The following EYA1 variants were observed in gnomAD, a reference collection of about 807,000 sequenced individuals.
The protein encoded by EYA1 is EYA transcriptional coactivator and phosphatase 1.
In EYA1, 16 loss-of-function variants were observed where a neutral mutation model predicts 82.0. That is an observed-to-expected ratio of 0.20 (90% CI 0.13 to 0.30). The LOEUF (loss-of-function observed/expected upper bound fraction) is 0.30, where lower values mean the gene tolerates loss of function less well. Ranked by LOEUF, EYA1 falls within the 10% of genes least tolerant of loss-of-function variation. The pLI is 1.00. For missense variants in EYA1, 633 were observed against 730.7 expected, an observed-to-expected ratio of 0.87 and a Z score of 1.54; for synonymous variants, 261 against 264.4, an observed-to-expected ratio of 0.99 and a Z score of 0.12.
In EYA1 at chr8:71,292,117, T is replaced by A. The variant is rs549261663; in HGVS notation, c.826+6930A>T. 2.1e-4 allele frequency among the ~76,000 whole-genome samples: 32 copies of A among 152,256 alleles called. No individual in the cohort carries two copies. In the South Asian group the frequency reaches 6.2e-3, roughly 30 times the overall value. ...TGATAAAAGTCAATTACAATTTTCT[T>A]CGTAATAATACTCAAAAAGTATTTC... On this transcript the variant is annotated intron_variant, in intron 9 of 17. Transcript: ENST00000340726.
chr8:71,341,178 C>T (rs759742092), intron 3 of EYA1, among the ~76,000 whole-genome samples: 11 of 152,126 alleles, frequency 7.2e-5, no homozygotes, highest in Non-Finnish European at 1.3e-4. Context: ...AAATAAATTA[C>T]CATGAATTTG....
intron 4 of EYA1, 62 bp from the exon 5 acceptor site, chr8:71,322,330 G>A (rs1822667504): frequency 1.5e-6 from 2 of 1,373,250 alleles, no homozygotes; most frequent in Non-Finnish European, 2.1e-6. Context: ...AAAATATATA[G>A]AAAGCACTGA....
chr8:71,543,571 T>C (rs931770841), intron 1 of EYA1, among the ~76,000 whole-genome samples: 8 of 152,236 alleles, frequency 5.3e-5, no homozygotes, highest in Non-Finnish European at 1.0e-4. Flanking sequence ...ATCTAGCCTT[T>C]GCCCCTCTAA....
chr8:71,231,081 C>G (rs1014511262), intron 12 of EYA1, among the ~76,000 whole-genome samples: 1 of 152,190 alleles, frequency 6.6e-6, no homozygotes, highest in African/African-American at 2.4e-5. Context: ...TACCTTATTG[C>G]TCAAGCCAGA....
At chr8:71,271,236 T>C (rs1816494420) in intron 10 of EYA1, among the ~76,000 whole-genome samples, 1 of 152,266 alleles carries the variant, frequency 6.6e-6, no homozygotes, top group African/African-American at 2.4e-5. Flanking sequence ...AAGCACATCA[T>C]GGAGAATGGG....
At chr8:71,211,069 A>C in intron 17 of EYA1, 87 bp downstream of exon 17, 4 of 853,620 alleles carry the variant, frequency 4.7e-6, no homozygotes, top group Non-Finnish European at 8.2e-6. Flanking sequence ...TTTCACATAA[A>C]TGGAACCTGT....
chr8:71,281,417 T>C (rs1013944913), intron 9 of EYA1, among the ~76,000 whole-genome samples: 11 of 152,248 alleles, frequency 7.2e-5, no homozygotes, highest in Admixed American at 7.2e-4. Flanking sequence ...ATTTTGCTCC[T>C]AAAAGTTTCT....
chr8:71,428,009 A>G (rs759148304), intron 2 of EYA1, among the ~76,000 whole-genome samples: 1 of 151,796 alleles, frequency 6.6e-6, no homozygotes, highest in Non-Finnish European at 1.5e-5. Context: ...AATCAGTAAT[A>G]TAATTAATAT....
At chr8:71,428,738 T>G (rs1253890183) in intron 2 of EYA1, among the ~76,000 whole-genome samples, 1 of 152,224 alleles carries the variant, frequency 6.6e-6, no homozygotes, top group East Asian at 1.9e-4. Context: ...CTTTTTCTAT[T>G]TCACAATGGC....
At position 71,344,190 on chromosome 8, in the gene EYA1, G is replaced by T. The variant is rs1199369128; in HGVS notation, c.125-10016C>A. On this transcript the variant is annotated intron_variant, in intron 3 of 17. Transcript: ENST00000340726. ...ACAAATCTTAAATGTGCCATTCGAT[G>T]ACTTTCAACAGATACATATTATATT... Among the ~76,000 whole-genome samples the T allele has an allele frequency of 2.0e-5, 3 of 151,978 alleles. No homozygotes were observed. In the East Asian group the frequency reaches 5.8e-4, roughly 29 times the overall value.
At position 71,206,852 on chromosome 8, in the gene EYA1, C is replaced by T. The variant is rs149445020; in HGVS notation, c.1698+4304G>A. Among the ~76,000 whole-genome samples the T allele has an allele frequency of 9.2e-3, 1,393 of 152,178 alleles. 9 individuals carry two copies. Among genetic ancestry groups the T allele is most frequent in the Admixed American group, 0.014 (210 of 15,282 alleles). ...CTAACTGCAGTCTTGACCTCCTGGGCTCCAGTGATCCTCCGACTTCAGCCT... is the reference window on the plus strand; with the variant it reads ...CTAACTGCAGTCTTGACCTCCTGGGTTCCAGTGATCCTCCGACTTCAGCCT... On this transcript the variant is annotated intron_variant, in intron 17 of 17. Coordinates refer to ENST00000340726, the MANE Select transcript of EYA1 (RefSeq NM_000503.6).
intron 8 of EYA1, 97 bp from the exon 9 acceptor site, chr8:71,299,330 C>A: frequency 7.7e-7 from 1 of 1,302,914 alleles, no homozygotes; most frequent in African/African-American, 1.5e-5. Flanking sequence ...GGTTTCTGAG[C>A]CTTTTCTGAA....
At chr8:71,425,208 G>T (rs979124676) in intron 2 of EYA1, among the ~76,000 whole-genome samples, 1 of 151,368 alleles carries the variant, frequency 6.6e-6, no homozygotes, top group Non-Finnish European at 1.5e-5. Flanking sequence ...GTGTGAACCC[G>T]GGAGGCAGAG....
intron 2 of EYA1, among the ~76,000 whole-genome samples, chr8:71,510,585 C>T (rs1299172063): frequency 2.1e-4 from 32 of 152,128 alleles, no homozygotes; most frequent in Admixed American, 2.0e-3. Context: ...CCTTATAAAA[C>T]CAACAGATCT....
chr8:71,203,149 T>A lies in EYA1; in HGVS notation c.1699-3729A>T, dbSNP rs16937502. On this transcript the variant is annotated intron_variant, in intron 17 of 17. Coordinates refer to ENST00000340726, the MANE Select transcript of EYA1 (RefSeq NM_000503.6). ...ATATTCTCAACTTTGACATTAGCTA[T>A]GTGACCTTCAATTATGGCACAGTCT... 9.5e-3 allele frequency among the ~76,000 whole-genome samples: 1,454 copies of A among 152,308 alleles called. 25 individuals are homozygous for A. The highest frequency in any genetic ancestry group is 0.031 in the African/African-American group (1,306 of 41,570).
chr8:71,255,247 C>T (rs1046295650), intron 11 of EYA1, among the ~76,000 whole-genome samples: 3 of 152,090 alleles, frequency 2.0e-5, no homozygotes, highest in African/African-American at 7.2e-5. Flanking sequence ...CAGAAAACTC[C>T]ATTTTGAAGT....
intron 2 of EYA1, among the ~76,000 whole-genome samples, chr8:71,474,608 T>C (rs1207453034): frequency 6.6e-6 from 1 of 152,200 alleles, no homozygotes; most frequent in African/African-American, 2.4e-5. Context: ...AATGACATCA[T>C]ATAAAATTGT....
chr8:71,398,712 A>G (rs986868737), intron 2 of EYA1, among the ~76,000 whole-genome samples: 4 of 152,168 alleles, frequency 2.6e-5, no homozygotes, highest in African/African-American at 9.7e-5. Flanking sequence ...CCCTACTGGG[A>G]GGTGTCTCCC....
At chr8:71,299,833 G>C (rs1486126192) in intron 7 of EYA1, 113 bp from the exon 8 acceptor site, 3 of 726,104 alleles carry the variant, frequency 4.1e-6, no homozygotes, top group African/African-American at 1.7e-5. Flanking sequence ...TTCGACACTA[G>C]AATCTGTTGT....
Sources: gnomAD v4.1 joint callset for allele counts (sites outside exome capture counted in the v4.1 genomes callset) on GRCh38, gnomAD v4.1.1 for gene constraint, MANE v1.5 for transcripts, NCBI Gene and HGNC (gene_info 2026-07-23, HGNC 2026-07-21) for gene names.